Variants in ARMH3 observed in about 807,000 individuals in gnomAD.
ARMH3 encodes the protein armadillo like helical domain containing 3, also known as armadillo-like helical domain-containing protein 3.
Under a neutral mutation model 99.1 loss-of-function variants are expected in ARMH3, and 60 were observed. That is an observed-to-expected ratio of 0.61 (90% CI 0.49 to 0.75). The LOEUF is 0.75. ARMH3 is among the 30% of genes least tolerant of loss of function. ARMH3 has a pLI of 0.00. For synonymous variants in ARMH3, 285 were observed against 292.8 expected (o/e 0.97, Z 0.27); for missense variants, 679 against 843.1 (o/e 0.81, Z 2.41).
intron 23 of ARMH3, among the ~76,000 whole-genome samples, chr10:101,919,449 C>T (rs759141525): frequency 1.3e-5 from 2 of 152,110 alleles, no homozygotes; most frequent in Admixed American, 6.5e-5. Flanking sequence ...TCTTTGCCAA[C>T]GAAGCTCACA....
chr10:101,895,278 C>A (rs1461799558), intron 23 of ARMH3, among the ~76,000 whole-genome samples: 1 of 131,726 alleles, frequency 7.6e-6, no homozygotes, highest in East Asian at 2.2e-4. Context: ...CGATAAAATT[C>A]TTTTTTTTTT....
At chr10:101,997,427 A>G (rs906430655) in intron 15 of ARMH3, among the ~76,000 whole-genome samples, 2 of 152,034 alleles carry the variant, frequency 1.3e-5, no homozygotes, top group Non-Finnish European at 2.9e-5. Context: ...CCCCATCTCT[A>G]CTAAAATACA....
intron 23 of ARMH3, among the ~76,000 whole-genome samples, chr10:101,904,721 A>G (rs1022591273): frequency 6.6e-6 from 1 of 151,974 alleles, no homozygotes; most frequent in South Asian, 2.1e-4. Flanking sequence ...TGGGAGGCCG[A>G]GGCAGGCAGA....
At chr10:101,883,474 G>C (rs141181188) in intron 24 of ARMH3, among the ~76,000 whole-genome samples, 14 of 152,156 alleles carry the variant, frequency 9.2e-5, no homozygotes, top group Admixed American at 9.2e-4. Context: ...GTGTCAGATA[G>C]GATGGGGTAG....
intron 2 of ARMH3, among the ~76,000 whole-genome samples, chr10:102,036,681 T>C (rs1422365737): frequency 2.0e-5 from 3 of 151,646 alleles, no homozygotes; most frequent in Non-Finnish European, 4.4e-5. Context: ...GGCAGCAGGC[T>C]CGTTAAGAGT....
chr10:101,996,425 T>C (rs1219499121), intron 15 of ARMH3, among the ~76,000 whole-genome samples: 2 of 152,188 alleles, frequency 1.3e-5, no homozygotes, highest in African/African-American at 4.8e-5. Flanking sequence ...TCCACAAATA[T>C]ACTCACATCT....
intron 20 of ARMH3, among the ~76,000 whole-genome samples, chr10:101,962,255 T>C (rs924608875): frequency 6.6e-6 from 1 of 152,186 alleles, no homozygotes; most frequent in African/African-American, 2.4e-5. Flanking sequence ...CATGGGCCCA[T>C]ACTCCACATC....
intron 14 of ARMH3, among the ~76,000 whole-genome samples, chr10:102,003,532 T>G (rs1490536852): frequency 6.6e-6 from 1 of 152,172 alleles, no homozygotes; most frequent in African/African-American, 2.4e-5. Flanking sequence ...TCTTGTTAAG[T>G]GCTTTTACAC....
At chr10:102,045,129 CAAAAAAA>C (rs574856341) in intron 1 of ARMH3, among the ~76,000 whole-genome samples, 3 of 80,768 alleles carry the variant, frequency 3.7e-5, no homozygotes, top group Non-Finnish European at 7.6e-5. Context: ...GCCCTTGTCT[CAAAAAAA>C]AAAAAAAAAA....
chr10:102,049,382 A>G (rs893169266), intron 1 of ARMH3, among the ~76,000 whole-genome samples: 3 of 152,118 alleles, frequency 2.0e-5, no homozygotes, highest in Middle Eastern at 3.4e-3. Context: ...TCTCTACTAA[A>G]AATACAAAAA....
chr10:102,050,028 A>G (rs1292878252), intron 1 of ARMH3, among the ~76,000 whole-genome samples: 1 of 152,156 alleles, frequency 6.6e-6, no homozygotes, highest in African/African-American at 2.4e-5. Flanking sequence ...CTGTAATCCC[A>G]GCTACTCGGG....
intron 22 of ARMH3, among the ~76,000 whole-genome samples, chr10:101,950,918 T>TTGTA (rs1391560187): frequency 6.6e-6 from 1 of 152,194 alleles, no homozygotes; most frequent in Non-Finnish European, 1.5e-5. Context: ...ACTCACCAAA[T>TTGTA]TGTATGCTTT....
rs571548785 is a variant in ARMH3, at chr10:101,918,469, T to C, written c.1781+21394A>G. ...CAAAAAATGTGGCCACTTAGAAAAC[T>C]GGAAGTGTTAATTCCCTAACATCAG... is the stretch of plus-strand genomic sequence containing the variant. On this transcript the variant is annotated intron_variant, in intron 23 of 25. Transcript: ENST00000370033. 2.1e-4 allele frequency among the ~76,000 whole-genome samples: 32 copies of C among 152,306 alleles called. 1 individual carries two copies. Among genetic ancestry groups the C allele is most frequent in the Admixed American group, 2.0e-3 (30 of 15,296 alleles).
In ARMH3 at chr10:101,872,720, A is replaced by G. The variant is rs570056315; in HGVS notation, c.1860+16692T>C. ...TCCCTGTAATCCCAGCATTTTGGGT[A>G]GCCAAGGCAGGTGGATCATCTGAGG... On this transcript the variant is annotated intron_variant, in intron 24 of 25. Coordinates refer to ENST00000370033, the MANE Select transcript of ARMH3 (RefSeq NM_024541.3). 4.7e-4 allele frequency among the ~76,000 whole-genome samples: 72 copies of G among 151,868 alleles called. No homozygotes were observed. The Middle Eastern group carries it at 0.01, about 22-fold the overall frequency.
At chr10:101,973,354 C>G (rs563754055) in intron 20 of ARMH3, among the ~76,000 whole-genome samples, 1 of 128,926 alleles carries the variant, frequency 7.8e-6, no homozygotes, top group East Asian at 2.3e-4. Flanking sequence ...AGCGAGACTC[C>G]GTCTCAAAAA....
intron 20 of ARMH3, among the ~76,000 whole-genome samples, chr10:101,962,403 CTTT>C (rs79925746): frequency 3.5e-5 from 5 of 143,406 alleles, no homozygotes; most frequent in Non-Finnish European, 3.1e-5. Context: ...TCAAACTTTC[CTTT>C]TTTTTTTTTT....
At chr10:101,992,667 T>C (rs1846857420) in intron 17 of ARMH3, among the ~76,000 whole-genome samples, 1 of 152,010 alleles carries the variant, frequency 6.6e-6, no homozygotes. Flanking sequence ...GGCTAATTTT[T>C]TGTACTTTTA....
chr10:101,907,973 A>G (rs1485033817), intron 23 of ARMH3, among the ~76,000 whole-genome samples: 2 of 152,202 alleles, frequency 1.3e-5, no homozygotes, highest in African/African-American at 2.4e-5. Flanking sequence ...CTTACAGTGT[A>G]AGGAATTTTT....
intron 23 of ARMH3, among the ~76,000 whole-genome samples, chr10:101,925,776 G>A (rs1843484386): frequency 6.6e-6 from 1 of 152,124 alleles, no homozygotes; most frequent in Non-Finnish European, 1.5e-5. Context: ...TGGGCATGGT[G>A]GCAGGTGCCT....
Sources: allele counts gnomAD v4.1 joint callset (sites outside exome capture counted in the v4.1 genomes callset), GRCh38; gene constraint gnomAD v4.1.1; transcripts MANE v1.5; gene names NCBI Gene and HGNC (gene_info 2026-07-23, HGNC 2026-07-21).